The following GASK1B variants were observed in gnomAD, a reference collection of about 807,000 sequenced individuals.
GASK1B encodes the protein Golgi-associated kinase 1B.
In GASK1B, 34 loss-of-function variants were observed where a neutral mutation model predicts 42.8. That is an observed-to-expected ratio of 0.79 (90% CI 0.60 to 1.06). GASK1B has a LOEUF of 1.06. Ranked by LOEUF, GASK1B falls within the 50% of genes least tolerant of loss-of-function variation. The probability of loss-of-function intolerance (pLI) is 0.00; values close to 1 mark genes in which losing one functional copy is unlikely to be tolerated. For synonymous variants in GASK1B, 262 were observed against 259.1 expected (o/e 1.01, Z -0.11); for missense variants, 686 against 661.0 (o/e 1.04, Z -0.42).
chr4:158,158,132 T>C (rs985723552), intron 2 of GASK1B, among the ~76,000 whole-genome samples: 2 of 152,128 alleles, frequency 1.3e-5, no homozygotes, highest in African/African-American at 4.8e-5. Flanking sequence ...AGAAGTTATG[T>C]AACCTTTTTA....
intron 3 of GASK1B, among the ~76,000 whole-genome samples, chr4:158,135,037 A>C (rs1441986675): frequency 6.6e-6 from 1 of 152,168 alleles, no homozygotes; most frequent in Non-Finnish European, 1.5e-5. Context: ...AGGCAATAAA[A>C]AGTACTATAT....
chr4:158,169,253 GAGA>G (rs1732356534), intron 2 of GASK1B: 1 of 152,210 alleles, frequency 6.6e-6, no homozygotes, highest in South Asian at 2.1e-4. Flanking sequence ...TTAAATGTTT[GAGA>G]AGGTTTCTTA....
chr4:158,155,722 C>CA lies in GASK1B; in HGVS notation c.1013dup (p.Leu338PhefsTer16). 6.2e-7 allele frequency: 1 copy of CA among 1,613,906 alleles called. No individual in the cohort carries two copies. The highest frequency in any genetic ancestry group is 8.5e-7 in the Non-Finnish European group (1 of 1,179,822). Reference sequence around the variant, plus strand: ...CATTCTGCCAGCATTTCTGTTTCAGCAACTGCTGATAAGTTCCCCAGGTGA... The same window carrying CA: ...CATTCTGCCAGCATTTCTGTTTCAGCAAACTGCTGATAAGTTCCCCAGGTGA... On this transcript the variant is annotated frameshift_variant, in exon 3 of 5. Transcript: ENST00000585682. LOFTEE classifies it high-confidence loss of function.
chr4:158,137,579 T>G (rs572787512), intron 3 of GASK1B, among the ~76,000 whole-genome samples: 2 of 152,246 alleles, frequency 1.3e-5, no homozygotes, highest in Admixed American at 6.5e-5. Context: ...GTTGGCCCCA[T>G]GTAGTCTAAT....
intron 3 of GASK1B, among the ~76,000 whole-genome samples, chr4:158,136,203 C>A (rs911755185): frequency 2.6e-5 from 4 of 151,898 alleles, no homozygotes; most frequent in Non-Finnish European, 5.9e-5. Context: ...AACATTAGGG[C>A]AGGTAGTCAG....
intron 3 of GASK1B, among the ~76,000 whole-genome samples, chr4:158,146,732 A>G (rs1217395983): frequency 6.6e-6 from 1 of 152,160 alleles, no homozygotes; most frequent in Non-Finnish European, 1.5e-5. Context: ...TTGGTCAAAA[A>G]GCAAGTTTTC....
rs777403245 is a variant in GASK1B, at chr4:158,155,762, T to C, written c.974A>G (p.His325Arg). The change falls in exon 3 of 5, where the codon CAT becomes CGT. Residue 325 changes from histidine (H) to arginine (R), a missense_variant. By Grantham distance (29) the His-to-Arg change is conservative (BLOSUM62 0). Coordinates refer to ENST00000585682, the MANE Select transcript of GASK1B (RefSeq NM_001128424.2). ...ASLSSASNDT[H>R]SSVKLTWGTY... Reference sequence around the variant, plus strand: ...TCCCCAGGTGAGCTTAACAGAAGAATGGGTGTCATTACTTGCTGAAGATAA... The same window carrying C: ...TCCCCAGGTGAGCTTAACAGAAGAACGGGTGTCATTACTTGCTGAAGATAA... The C allele has an allele frequency of 6.2e-7, 1 of 1,613,896 alleles. No individual in the cohort carries two copies. Among genetic ancestry groups the C allele is most frequent in the South Asian group, 1.1e-5 (1 of 91,076 alleles).
chr4:158,137,171 T>C (rs1669459911), intron 3 of GASK1B, among the ~76,000 whole-genome samples: 1 of 152,330 alleles, frequency 6.6e-6, no homozygotes, highest in East Asian at 1.9e-4. Flanking sequence ...TAACTAACCA[T>C]GGATAACGAA....
intron 3 of GASK1B, among the ~76,000 whole-genome samples, chr4:158,142,892 C>T (rs1327004269): frequency 6.6e-6 from 1 of 152,128 alleles, no homozygotes; most frequent in South Asian, 2.1e-4. Flanking sequence ...CTTCAACAAG[C>T]TGTTGAAAGG....
chr4:158,132,882 T>A (rs1406712173), intron 3 of GASK1B, among the ~76,000 whole-genome samples: 3 of 152,198 alleles, frequency 2.0e-5, no homozygotes, highest in Admixed American at 1.3e-4. Context: ...GAACAGTAAG[T>A]TACCACTGCT....
At chr4:158,169,990 G>C (rs1176466812) in intron 2 of GASK1B, 2 of 498,046 alleles carry the variant, frequency 4.0e-6, no homozygotes, top group Non-Finnish European at 7.1e-6. Flanking sequence ...AACCTAACAT[G>C]GTCTGGCTCT....
intron 3 of GASK1B, among the ~76,000 whole-genome samples, chr4:158,144,047 C>CA (rs374463108): frequency 1.8e-3 from 277 of 152,110 alleles, no homozygotes; most frequent in African/African-American, 6.3e-3. Flanking sequence ...TATTTCCCTG[C>CA]AAAAAATGTT....
At chr4:158,157,581 A>T (rs967999666) in intron 2 of GASK1B, among the ~76,000 whole-genome samples, 1 of 152,106 alleles carries the variant, frequency 6.6e-6, no homozygotes, top group African/African-American at 2.4e-5. Flanking sequence ...AAAAACAAAC[A>T]CCAAGAAGCT....
intron 3 of GASK1B, among the ~76,000 whole-genome samples, chr4:158,151,344 T>G (rs1405184773): frequency 6.6e-6 from 1 of 152,166 alleles, no homozygotes; most frequent in Non-Finnish European, 1.5e-5. Flanking sequence ...AACTGACCAT[T>G]GAAACACAGT....
At position 158,133,916 on chromosome 4, in the gene GASK1B, T is replaced by TGTGTGC. The variant is rs1435604508; in HGVS notation, c.1126-2905_1126-2904insGCACAC. ...GCATATGTGTGTGTGTGTGTGTGTG[T>TGTGTGC]GCGCGTGCACGAACACTGTGTGTAC... On this transcript the variant is annotated intron_variant, in intron 3 of 4. Coordinates refer to ENST00000585682, the MANE Select transcript of GASK1B (RefSeq NM_001128424.2). 7.1e-3 allele frequency among the ~76,000 whole-genome samples: 1,070 copies of TGTGTGC among 149,754 alleles called. 7 individuals carry two copies. The highest frequency in any genetic ancestry group is 0.024 in the African/African-American group (991 of 40,916).
rs375269662 is a variant in GASK1B at position 158,155,875 on chromosome 4, G to T, written c.911-50C>A. Reference sequence around the variant, plus strand: ...ACTTTCAGCACACTATTGACTCAGGGTGTGTCTTTGAGCAGGTCGTTCACT... The same window carrying T: ...ACTTTCAGCACACTATTGACTCAGGTTGTGTCTTTGAGCAGGTCGTTCACT... On this transcript the variant is annotated intron_variant, in intron 2 of 4. Transcript: ENST00000585682. 4.6e-5 allele frequency: 70 copies of T among 1,533,944 alleles called. No homozygotes were observed. The African/African-American group carries it at 9.4e-4, about 21-fold the overall frequency.
intron 3 of GASK1B, among the ~76,000 whole-genome samples, chr4:158,151,203 C>G (rs753367465): frequency 7.9e-5 from 12 of 151,964 alleles, no homozygotes; most frequent in Non-Finnish European, 1.2e-4. Context: ...CATAAGAAAG[C>G]CTTATAAAAT....
intron 3 of GASK1B, among the ~76,000 whole-genome samples, chr4:158,132,910 T>C (rs1730736171): frequency 6.6e-6 from 1 of 152,284 alleles, no homozygotes; most frequent in African/African-American, 2.4e-5. Context: ...GTGCATTTGA[T>C]TGACATGAGA....
intron 3 of GASK1B, among the ~76,000 whole-genome samples, chr4:158,138,118 C>T (rs914596699): frequency 6.6e-6 from 1 of 152,148 alleles, no homozygotes; most frequent in African/African-American, 2.4e-5. Context: ...GGTTATTATA[C>T]ATTTGGATCG....
Sources: gnomAD v4.1 joint callset for allele counts (sites outside exome capture counted in the v4.1 genomes callset) on GRCh38, gnomAD v4.1.1 for gene constraint, MANE v1.5 for transcripts, NCBI Gene and HGNC (gene_info 2026-07-23, HGNC 2026-07-21) for gene names.